TMED10: variants seen among roughly 807,000 people sequenced by gnomAD.
TMED10 encodes transmembrane p24 trafficking protein 10.
TMED10 carries 7 observed loss-of-function variants against 23.1 expected under a neutral mutation model. The ratio of observed to expected loss-of-function variants is 0.30; its 90% CI spans 0.17 to 0.57. The LOEUF (loss-of-function observed/expected upper bound fraction) is 0.57, where lower values mean the gene tolerates loss of function less well. TMED10 is among the 20% of genes least tolerant of loss of function. The probability of loss-of-function intolerance (pLI) is 0.91; values close to 1 mark genes in which losing one functional copy is unlikely to be tolerated. For missense variants in TMED10, 162 were observed against 274.8 expected (o/e 0.59, Z 2.90); for synonymous variants, 113 against 106.9 (o/e 1.06, Z -0.35).
intron 1 of TMED10, among the ~76,000 whole-genome samples, chr14:75,165,758 C>A (rs1464216494): frequency 1.3e-5 from 2 of 152,264 alleles, no homozygotes; most frequent in East Asian, 3.9e-4. Flanking sequence ...TAAATTCTTT[C>A]AAATTTCTAG....
intron 1 of TMED10, among the ~76,000 whole-genome samples, chr14:75,159,439 A>G (rs1400724410): frequency 6.6e-6 from 1 of 152,244 alleles, no homozygotes; most frequent in African/African-American, 2.4e-5. Context: ...CTCCATGCTA[A>G]GGCAAGGAAA....
At chr14:75,156,544 G>A (rs2139847568) in intron 1 of TMED10, among the ~76,000 whole-genome samples, 1 of 152,210 alleles carries the variant, frequency 6.6e-6, no homozygotes, top group Non-Finnish European at 1.5e-5. Context: ...GACTGCCATG[G>A]CACTCCAGGT....
Position 75,176,574 on chromosome 14 carries a change from A to T in TMED10, c.6T>A (p.Ser2=). 1 of 1,614,064 alleles carries T rather than the reference A, an allele frequency of 6.2e-7. No individual in the cohort carries two copies. Among genetic ancestry groups the T allele is most frequent in the Non-Finnish European group, 8.5e-7 (1 of 1,179,988 alleles). ...GCCGGGCTGGTGGGCCAGACAAACC[A>T]GACATGGTGCTGGAGACTCGTTCAC... is the stretch of plus-strand genomic sequence containing the variant. M[S]GLSGPPARRG... is the part of the protein sequence containing the mutation. Residue 2 remains serine (S), a synonymous_variant, in exon 1 of 5, where the codon TCT becomes TCA. Coordinates refer to ENST00000303575, the MANE Select transcript of TMED10 (RefSeq NM_006827.6).
Position 75,176,472 on chromosome 14 carries a change from C to A in TMED10, c.108G>T (p.Leu36=). 6.2e-7 allele frequency: 1 copy of A among 1,614,174 alleles called. No homozygotes were observed. The change falls in exon 1 of 5, where the codon CTG becomes CTT. Residue 36 remains leucine (L), a synonymous_variant. Coordinates refer to ENST00000303575, the MANE Select transcript of TMED10 (RefSeq NM_006827.6). ...PRLVLAISFH[L]PINSRKCLRE... ...GGAGGCACTTGCGAGAGTTAATGGG[C>A]AGATGGAAGGAGATGGCAAGGACCA... is the stretch of plus-strand genomic sequence containing the variant.
chr14:75,167,569 T>C (rs1268948039), intron 1 of TMED10, among the ~76,000 whole-genome samples: 1 of 152,164 alleles, frequency 6.6e-6, no homozygotes, highest in African/African-American at 2.4e-5. Flanking sequence ...ACTGCCAAGT[T>C]ACTTCTTCAT....
rs1555355317 is a variant in TMED10, at chr14:75,132,389, C to CCG, written c.*2495_*2496insCG. 4 of 116,926 alleles carry CCG rather than the reference C, an allele frequency of 3.4e-5. No individual in the cohort carries two copies. Among genetic ancestry groups the CCG allele is most frequent in the African/African-American group, 1.3e-4 (4 of 31,758 alleles). 7.2% of individuals were successfully genotyped at this position (116,926 alleles called of 1,614,324 possible). ...GGCGTTGCAGCAAGACTCCGTCCCC[C>CCG]CCCCCCCAAAAAAAAAAAAGTTTAA... On this transcript the variant is annotated 3_prime_UTR_variant, in exon 5 of 5. Coordinates refer to ENST00000303575, the MANE Select transcript of TMED10 (RefSeq NM_006827.6).
intron 4 of TMED10, 36 bp from the exon 5 acceptor site, chr14:75,135,042 G>T: frequency 6.2e-7 from 1 of 1,611,372 alleles, no homozygotes; most frequent in Non-Finnish European, 8.5e-7. Flanking sequence ...ACATAATGAA[G>T]TGAGCCTCCT....
At chr14:75,164,568 TATATATA>T (rs1483354752) in intron 1 of TMED10, among the ~76,000 whole-genome samples, 14 of 2,998 alleles carry the variant, frequency 4.7e-3, no homozygotes, top group African/African-American at 0.013. Context: ...TATATATATA[TATATATA>T]TATTTTTTTT....
Position 75,134,308 on chromosome 14 carries a change from A to G in TMED10, c.*577T>C, listed in dbSNP as rs1895722272. ...GACATTTTCTTTAAGAGTTATCTAC[A>G]GTTCAAAGCTCACTTTTATGAGGTG... On this transcript the variant is annotated 3_prime_UTR_variant, in exon 5 of 5. Coordinates refer to ENST00000303575, the MANE Select transcript of TMED10 (RefSeq NM_006827.6). 6.5e-6 allele frequency: 1 copy of G among 154,028 alleles called. No homozygotes were observed. The highest frequency in any genetic ancestry group is 1.5e-5 in the Non-Finnish European group (1 of 68,960). 9.5% of individuals were successfully genotyped at this position (154,028 alleles called of 1,614,324 possible).
chr14:75,136,081 A>T (rs1355612113), intron 3 of TMED10, among the ~76,000 whole-genome samples, 195 bp from the exon 4 acceptor site: 1 of 152,032 alleles, frequency 6.6e-6, no homozygotes, highest in Non-Finnish European at 1.5e-5. Flanking sequence ...ACCTTTTTTG[A>T]TACTTTAATT....
At chr14:75,174,655 A>G (rs1469734461) in intron 1 of TMED10, among the ~76,000 whole-genome samples, 1 of 152,196 alleles carries the variant, frequency 6.6e-6, no homozygotes, top group East Asian at 1.9e-4. Context: ...TCTCTCCCAA[A>G]TAAAGTAGAA....
At chr14:75,164,581 T>A (rs868234296) in intron 1 of TMED10, among the ~76,000 whole-genome samples, 17 of 24,114 alleles carry the variant, frequency 7.0e-4, no homozygotes, top group African/African-American at 2.3e-3. Flanking sequence ...ATATATATTT[T>A]TTTTTTTTTT....
chr14:75,161,703 A>G (rs1474091772), intron 1 of TMED10, among the ~76,000 whole-genome samples: 1 of 151,972 alleles, frequency 6.6e-6, no homozygotes, highest in Non-Finnish European at 1.5e-5. Context: ...CCCTGCCCCT[A>G]AGCACTACAT....
intron 1 of TMED10, among the ~76,000 whole-genome samples, chr14:75,152,704 G>A (rs542981861): frequency 1.4e-4 from 21 of 152,242 alleles, no homozygotes; most frequent in Middle Eastern, 3.4e-3. Context: ...TTATGTCAAC[G>A]GCCAGGTAGA....
At chr14:75,154,963 CTT>C (rs370106706) in intron 1 of TMED10, among the ~76,000 whole-genome samples, 14 of 138,700 alleles carry the variant, frequency 1.0e-4, no homozygotes, top group Non-Finnish European at 1.7e-4. Context: ...TCACCTGGCC[CTT>C]TTTTTTTTTT....
In TMED10 at chr14:75,144,688, G is replaced by A. The variant is rs952702711; in HGVS notation, c.411+2976C>T. Among the ~76,000 whole-genome samples the A allele has an allele frequency of 5.3e-5, 8 of 152,328 alleles. No homozygotes were observed. The East Asian group carries it at 7.7e-4, about 15-fold the overall frequency. ...CACATTCCCGAATCTTAATGCTGAT[G>A]CCAAAGATTCCAAATCCTCTGGAGA... On this transcript the variant is annotated intron_variant, in intron 3 of 4. Transcript: ENST00000303575.
At chr14:75,163,708 G>A (rs1314884375) in intron 1 of TMED10, among the ~76,000 whole-genome samples, 2 of 152,054 alleles carry the variant, frequency 1.3e-5, no homozygotes. Context: ...TTTACCAGCT[G>A]TAAACACTTG....
chr14:75,162,339 T>TA (rs1896095470), intron 1 of TMED10, among the ~76,000 whole-genome samples: 2 of 152,128 alleles, frequency 1.3e-5, no homozygotes, highest in East Asian at 3.8e-4. Flanking sequence ...CACAGGAACC[T>TA]AAAGGGCTCC....
chr14:75,149,019 C>A (rs1895922821), intron 2 of TMED10, among the ~76,000 whole-genome samples: 2 of 152,224 alleles, frequency 1.3e-5, no homozygotes, highest in African/African-American at 2.4e-5. Flanking sequence ...TGGGCTCAAG[C>A]AATCCTCCCA....
Sources: gnomAD v4.1 joint callset for allele counts (sites outside exome capture counted in the v4.1 genomes callset) on GRCh38, gnomAD v4.1.1 for gene constraint, MANE v1.5 for transcripts, NCBI Gene and HGNC (gene_info 2026-07-23, HGNC 2026-07-21) for gene names.